TUSC3: variants seen among roughly 807,000 people sequenced by gnomAD.
The protein encoded by TUSC3 is tumor suppressor candidate 3, also known as dolichyl-diphosphooligosaccharide--protein glycosyltransferase subunit TUSC3.
Under a neutral mutation model 44.8 loss-of-function variants are expected in TUSC3, and 45 were observed. The ratio of observed to expected loss-of-function variants is 1.00; its 90% confidence interval spans 0.79 to 1.29. TUSC3 has a LOEUF of 1.29. TUSC3 is among the 50% of genes most tolerant of loss of function. The pLI is 0.00. For synonymous variants in TUSC3, 212 were observed against 152.9 expected (o/e 1.39, Z -2.85); for missense variants, 519 against 437.9 (o/e 1.19, Z -1.65).
intron 1 of TUSC3, among the ~76,000 whole-genome samples, chr8:15,465,871 A>G (rs1359926154): frequency 6.6e-6 from 1 of 152,142 alleles, no homozygotes; most frequent in Non-Finnish European, 1.5e-5. Flanking sequence ...TTCAAAGTCA[A>G]CAGGCATTTC....
rs354520 is a variant in TUSC3 at position 15,669,312 on chromosome 8, C to T, written c.709-4435C>T. On this transcript the variant is annotated intron_variant, in intron 5 of 10. Transcript: ENST00000503731. ...TTTCATTCCATGATGACTAACTCTT[C>T]TAAACAATTGAGACGGAATAATACT... Among the ~76,000 whole-genome samples, 874 of 151,846 alleles carry T rather than the reference C, an allele frequency of 5.8e-3. 9 individuals carry two copies. The highest frequency in any genetic ancestry group is 0.02 in the African/African-American group (817 of 41,506).
intron 1 of TUSC3, among the ~76,000 whole-genome samples, chr8:15,436,332 T>C (rs1799944732): frequency 6.6e-6 from 1 of 152,200 alleles, no homozygotes; most frequent in South Asian, 2.1e-4. Flanking sequence ...CAGTTTGTAA[T>C]GAGAGCATGT....
intron 1 of TUSC3, among the ~76,000 whole-genome samples, chr8:15,556,841 T>C (rs1211119678): frequency 7.8e-6 from 1 of 128,468 alleles, no homozygotes; most frequent in Non-Finnish European, 1.7e-5. Flanking sequence ...GCCCACTTTT[T>C]GATGGGGTTG....
chr8:15,562,435 G>C (rs945199611), intron 1 of TUSC3, among the ~76,000 whole-genome samples: 1 of 152,090 alleles, frequency 6.6e-6, no homozygotes, highest in Non-Finnish European at 1.5e-5. Flanking sequence ...TGGTTTGTGG[G>C]TATATTAGTT....
rs187533836 is a variant in TUSC3 at position 15,488,647 on chromosome 8, G to A, written n.189+5164G>A. On this transcript the variant is annotated intron_variant and non_coding_transcript_variant, in intron 2 of 5. Coordinates refer to the TUSC3 transcript ENST00000503191. The stretch of plus-strand genomic sequence containing the variant: ...ATTAGTTTTAGATGACGTCATGAGG[G>A]TAGAGTCCCTATGATGAGATTAGTG... Among the ~76,000 whole-genome samples, 287 of 152,244 alleles carry A rather than the reference G, an allele frequency of 1.9e-3. 2 individuals carry two copies. The highest frequency in any genetic ancestry group is 6.2e-3 in the African/African-American group (256 of 41,544).
chr8:15,672,693 C>T lies in TUSC3; in HGVS notation c.709-1054C>T, dbSNP rs149210936. Among the ~76,000 whole-genome samples the T allele has an allele frequency of 2.5e-3, 380 of 151,928 alleles. 3 individuals are homozygous for T. The highest frequency in any genetic ancestry group is 5.4e-3 in the Admixed American group (83 of 15,256). On this transcript the variant is annotated intron_variant, in intron 5 of 10. Transcript: ENST00000503731. ...TTAGTTGGTTACATATTTTTATAGC[C>T]AAAAAAAGTGAGACTTCTTAGATTC...
At chr8:15,473,154 A>T (rs2129123264) in intron 1 of TUSC3, among the ~76,000 whole-genome samples, 1 of 152,342 alleles carries the variant, frequency 6.6e-6, no homozygotes, top group Non-Finnish European at 1.5e-5. Context: ...AAAGAATATT[A>T]ACTTATTTCT....
At chr8:15,515,612 T>A (rs1055688875) in intron 2 of TUSC3, among the ~76,000 whole-genome samples, 15 of 152,196 alleles carry the variant, frequency 9.9e-5, no homozygotes, top group African/African-American at 3.6e-4. Context: ...ATCAAGTTTT[T>A]CTGATGGAAA....
chr8:15,697,842 A>T (rs555823389), intron 6 of TUSC3, among the ~76,000 whole-genome samples: 1 of 152,240 alleles, frequency 6.6e-6, no homozygotes, highest in African/African-American at 2.4e-5. Flanking sequence ...TTAGCTATAT[A>T]CAATGCAAAG....
chr8:15,489,593 T>A lies in TUSC3; in HGVS notation n.189+6110T>A, dbSNP rs578178197. On this transcript the variant is annotated intron_variant and non_coding_transcript_variant, in intron 2 of 5. Coordinates refer to the TUSC3 transcript ENST00000503191. ...AGAGTTACGTTTTGGGGTGAGATAT[T>A]TCATTTCTTTCAGGATCTGCTGTCA... Among the ~76,000 whole-genome samples, 6 of 152,286 alleles carry A rather than the reference T, an allele frequency of 3.9e-5. No homozygotes were observed. In the South Asian group the frequency reaches 6.2e-4, roughly 16 times the overall value.
At chr8:15,819,074 A>T in the TUSC3 span, among the ~76,000 whole-genome samples, 1 of 151,282 alleles carries the variant, frequency 6.6e-6, no homozygotes, top group Non-Finnish European at 1.5e-5. Flanking sequence ...GAAAAAAAAA[A>T]TTATTTTATC....
chr8:15,503,465 C>G lies in TUSC3; in HGVS notation n.189+19982C>G, dbSNP rs557354551. On this transcript the variant is annotated intron_variant and non_coding_transcript_variant, in intron 2 of 5. Coordinates refer to the TUSC3 transcript ENST00000503191. ...GGACCTTCTTCTTCTGCCCTATGATCTGAAATTTCTCAATAATATGTATTT... is the reference window on the plus strand; with the variant it reads ...GGACCTTCTTCTTCTGCCCTATGATGTGAAATTTCTCAATAATATGTATTT... 4.7e-4 allele frequency among the ~76,000 whole-genome samples: 71 copies of G among 152,122 alleles called. 2 individuals carry two copies. Among genetic ancestry groups the G allele is most frequent in the Admixed American group, 3.9e-3 (60 of 15,274 alleles).
At chr8:15,528,401 A>G (rs533515747) in intron 2 of TUSC3, among the ~76,000 whole-genome samples, 4 of 152,310 alleles carry the variant, frequency 2.6e-5, no homozygotes, top group Non-Finnish European at 4.4e-5. Context: ...TAAACTTTTT[A>G]TATAATTCAA....
intron 7 of TUSC3, among the ~76,000 whole-genome samples, chr8:15,741,907 G>C (rs1464495555): frequency 6.6e-6 from 1 of 152,134 alleles, no homozygotes; most frequent in African/African-American, 2.4e-5. Flanking sequence ...GTTTTAAGCA[G>C]TAGAAATCTC....
At chr8:15,618,369 A>G (rs1029398685) in intron 1 of TUSC3, among the ~76,000 whole-genome samples, 1 of 152,200 alleles carries the variant, frequency 6.6e-6, no homozygotes, top group Non-Finnish European at 1.5e-5. Flanking sequence ...ACAGCTGTAC[A>G]AAAATATTTT....
chr8:15,657,218 C>A (rs1807214584), intron 3 of TUSC3, among the ~76,000 whole-genome samples: 1 of 152,144 alleles, frequency 6.6e-6, no homozygotes. Context: ...GTTTACATAG[C>A]CAGGCTGAGA....
chr8:15,576,085 C>T (rs1803094049), intron 1 of TUSC3, among the ~76,000 whole-genome samples: 1 of 151,684 alleles, frequency 6.6e-6, no homozygotes, highest in Non-Finnish European at 1.5e-5. Flanking sequence ...ACTAAAGTTT[C>T]CATTTTAATT....
intron 3 of TUSC3, among the ~76,000 whole-genome samples, chr8:15,652,871 A>C (rs1167921609): frequency 6.6e-6 from 1 of 152,154 alleles, no homozygotes; most frequent in Non-Finnish European, 1.5e-5. Flanking sequence ...GAAGACAGGG[A>C]GTTGGGTTAG....
Position 15,660,048 on chromosome 8 carries a change from C to A in TUSC3, c.567+401C>A, listed in dbSNP as rs1418575118. ...GTGGAAAAATGTCTACTCAGATTTACTGCTTTTGGGACTATAAATTGGTGT... is the reference window on the plus strand; with the variant it reads ...GTGGAAAAATGTCTACTCAGATTTAATGCTTTTGGGACTATAAATTGGTGT... On this transcript the variant is annotated intron_variant, in intron 4 of 10. Coordinates refer to ENST00000503731, the MANE Select transcript of TUSC3 (RefSeq NM_006765.4). Among the ~76,000 whole-genome samples the A allele has an allele frequency of 3.3e-5, 5 of 152,014 alleles. No homozygotes were observed. The East Asian group carries it at 9.6e-4, about 29-fold the overall frequency.
Sources: allele counts gnomAD v4.1 joint callset (sites outside exome capture counted in the v4.1 genomes callset), GRCh38; gene constraint gnomAD v4.1.1; transcripts MANE v1.5; gene names NCBI Gene and HGNC (gene_info 2026-07-23, HGNC 2026-07-21).